The following ASIC2 variants were observed in gnomAD, a reference collection of about 807,000 sequenced individuals.
ASIC2 encodes acid-sensing ion channel 2.
In ASIC2, 25 loss-of-function variants were observed where a neutral mutation model predicts 57.3. The observed-to-expected ratio is 0.44, with a 90% CI of 0.32 to 0.61. The LOEUF (loss-of-function observed/expected upper bound fraction) is 0.61. ASIC2 is among the 20% of genes least tolerant of loss of function. The pLI is 0.06. For missense variants in ASIC2, 641 were observed against 738.1 expected (o/e 0.87, Z 1.52); for synonymous variants, 319 against 307.5 (o/e 1.04, Z -0.39).
intron 1 of ASIC2, among the ~76,000 whole-genome samples, chr17:33,305,279 C>T (rs189050076): frequency 3.9e-5 from 6 of 152,268 alleles, no homozygotes; most frequent in East Asian, 3.9e-4. Flanking sequence ...CCTCTTCCCC[C>T]GGCCTCCTGC....
At chr17:33,121,927 T>C (rs1010993215) in intron 1 of ASIC2, among the ~76,000 whole-genome samples, 2 of 152,210 alleles carry the variant, frequency 1.3e-5, no homozygotes, top group African/African-American at 4.8e-5. Flanking sequence ...ATCTGCCCAC[T>C]GCCAACACAT....
At chr17:33,565,081 C>T (rs1468134853) in intron 1 of ASIC2, among the ~76,000 whole-genome samples, 1 of 152,212 alleles carries the variant, frequency 6.6e-6, no homozygotes, top group Admixed American at 6.5e-5. Flanking sequence ...TCCCACTTCA[C>T]ACCTCTGTAT....
intron 2 of ASIC2, among the ~76,000 whole-genome samples, chr17:33,108,271 A>G (rs2092243068): frequency 6.6e-6 from 1 of 152,154 alleles, no homozygotes; most frequent in Non-Finnish European, 1.5e-5. Context: ...CTGGGCACAC[A>G]TCAAACTGCC....
At chr17:33,024,137 G>GGAGGCAATCAAGGAGGAAAGCAAAGATA in intron 5 of ASIC2, 123 bp from the exon 6 acceptor site, 1 of 1,291,848 alleles carries the variant, frequency 7.7e-7, no homozygotes, top group Non-Finnish European at 1.1e-6. Context: ...TGGGGAAAGT[G>GGAGGCAATCAAGGAGGAAAGCAAAGATA]AGGGGCAGGG....
intron 1 of ASIC2, among the ~76,000 whole-genome samples, chr17:33,248,760 C>T (rs1372051221): frequency 6.6e-6 from 1 of 152,230 alleles, no homozygotes; most frequent in African/African-American, 2.4e-5. Flanking sequence ...CTGTATGTGT[C>T]AGTTCCCCCT....
chr17:33,017,412 G>A (rs1475878608), intron 8 of ASIC2, among the ~76,000 whole-genome samples, 193 bp downstream of exon 8: 11 of 151,996 alleles, frequency 7.2e-5, no homozygotes. Context: ...TACATCCACC[G>A]CCCCCCAAAA....
chr17:33,377,894 G>A (rs1909338588), intron 1 of ASIC2, among the ~76,000 whole-genome samples: 1 of 152,212 alleles, frequency 6.6e-6, no homozygotes, highest in African/African-American at 2.4e-5. Flanking sequence ...ATCACTGCAT[G>A]CTATTTTATC....
intron 3 of ASIC2, among the ~76,000 whole-genome samples, chr17:33,037,630 A>G (rs891363737): frequency 1.3e-5 from 2 of 152,166 alleles, no homozygotes; most frequent in Non-Finnish European, 2.9e-5. Context: ...CCATCTTCAA[A>G]TATCTGAAGA....
intron 1 of ASIC2, among the ~76,000 whole-genome samples, chr17:33,151,327 T>C (rs1443160318): frequency 1.3e-5 from 2 of 151,430 alleles, no homozygotes; most frequent in Non-Finnish European, 2.9e-5. Context: ...TGAGCCGAGA[T>C]AGCGCCACTG....
intron 1 of ASIC2, among the ~76,000 whole-genome samples, chr17:33,474,216 A>C (rs1913143888): frequency 6.6e-6 from 1 of 152,054 alleles, no homozygotes; most frequent in Non-Finnish European, 1.5e-5. Context: ...AAAATACAAA[A>C]ATTAGCCGGG....
At chr17:34,067,456 A>G (rs1007163782) in intron 1 of ASIC2, among the ~76,000 whole-genome samples, 3 of 152,190 alleles carry the variant, frequency 2.0e-5, no homozygotes, top group Non-Finnish European at 2.9e-5. Context: ...GTAATACTGA[A>G]GGCTAACAGG....
intron 1 of ASIC2, among the ~76,000 whole-genome samples, chr17:33,465,140 A>G (rs1191423559): frequency 1.3e-5 from 2 of 152,184 alleles, no homozygotes; most frequent in African/African-American, 2.4e-5. Context: ...TGAGTGGGCC[A>G]TATTTCATGC....
At chr17:33,804,467 C>T (rs928623393) in intron 1 of ASIC2, among the ~76,000 whole-genome samples, 8 of 152,032 alleles carry the variant, frequency 5.3e-5, no homozygotes, top group African/African-American at 7.2e-5. Context: ...CCCAGTATAT[C>T]GATGATGAAG....
intron 1 of ASIC2, among the ~76,000 whole-genome samples, chr17:33,342,337 C>CGT (rs56349138): frequency 2.7e-5 from 4 of 150,510 alleles, no homozygotes; most frequent in Admixed American, 6.6e-5. Flanking sequence ...TGTGTGTGTA[C>CGT]GTGTGTGTGT....
chr17:33,744,499 G>T (rs1174991727), intron 1 of ASIC2, among the ~76,000 whole-genome samples: 1 of 152,188 alleles, frequency 6.6e-6, no homozygotes, highest in African/African-American at 2.4e-5. Context: ...ACTGCATGGG[G>T]AATAGACTTA....
intron 1 of ASIC2, among the ~76,000 whole-genome samples, chr17:33,582,722 C>T (rs1261322559): frequency 5.3e-5 from 8 of 152,100 alleles, no homozygotes; most frequent in Admixed American, 5.2e-4. Flanking sequence ...TTTGTTTCTC[C>T]AACAAGGTAC....
At chr17:33,521,174 A>C (rs1914729181) in intron 1 of ASIC2, among the ~76,000 whole-genome samples, 1 of 152,178 alleles carries the variant, frequency 6.6e-6, no homozygotes, top group Non-Finnish European at 1.5e-5. Context: ...TCCACACAGC[A>C]CTTTGCCTCT....
intron 1 of ASIC2, among the ~76,000 whole-genome samples, chr17:33,662,844 A>C (rs1907335188): frequency 1.3e-5 from 2 of 151,790 alleles, no homozygotes; most frequent in African/African-American, 4.8e-5. Context: ...AGAAACATTT[A>C]AGTAACTTTC....
At chr17:33,744,136 A>G (rs1050792774) in intron 1 of ASIC2, among the ~76,000 whole-genome samples, 1 of 152,226 alleles carries the variant, frequency 6.6e-6, no homozygotes, top group Non-Finnish European at 1.5e-5. Context: ...CAGAAAAAAT[A>G]ACTCCTCTTA....
Sources: allele counts gnomAD v4.1 joint callset (sites outside exome capture counted in the v4.1 genomes callset), GRCh38; gene constraint gnomAD v4.1.1; transcripts MANE v1.5; gene names NCBI Gene and HGNC (gene_info 2026-07-23, HGNC 2026-07-21).